Variants in ATG4A observed in about 807,000 individuals in gnomAD.
ATG4A encodes autophagy related 4A cysteine peptidase.
Under a neutral mutation model 38.4 loss-of-function variants are expected in ATG4A, and 22 were observed. The observed-to-expected ratio is 0.57, with a 90% confidence interval of 0.41 to 0.82. The LOEUF (loss-of-function observed/expected upper bound fraction) is 0.82. ATG4A is among the 40% of genes least tolerant of loss of function. The pLI is 0.00. For synonymous variants in ATG4A, 86 were observed against 100.7 expected (o/e 0.85, Z 0.88); for missense variants, 220 against 290.0 (o/e 0.76, Z 1.75).
upstream of ATG4A, among the ~76,000 whole-genome samples, chrX:108,089,562 G>A (rs994841811): frequency 8.0e-5 from 9 of 112,128 alleles, no homozygotes; most frequent in Admixed American, 1.9e-4. Flanking sequence ...GGCCGGGTGC[G>A]GTGGTTCACG....
intron 1 of ATG4A, among the ~76,000 whole-genome samples, chrX:108,095,132 G>A (rs1288338116): frequency 8.9e-6 from 1 of 112,069 alleles, no homozygotes; most frequent in Non-Finnish European, 1.9e-5. Flanking sequence ...TAGAGACAGG[G>A]TTTCGCCATA....
At chrX:108,088,917 G>C, upstream of ATG4A, 2 of 854,177 alleles carry the variant, frequency 2.3e-6, no homozygotes, top group Non-Finnish European at 3.3e-6. Flanking sequence ...AAAAATACTG[G>C]TGCTGGCAAA....
Position 108,150,249 on chromosome X carries a change from G to T in ATG4A, c.912G>T (p.Gln304His). The change falls in exon 10 of 13, where the codon CAG becomes CAT. Residue 304 changes from glutamine to histidine, a missense_variant. Physicochemically the swap from Gln to His is conservative, Grantham distance 24. This residue lies in a region of ATG4A where 159 missense variants were observed against 188.9 expected (regional missense o/e 0.84). Transcript: ENST00000372232. The part of the protein sequence containing the change: ...TVNDQTFHCL[Q>H]SPQRMNILNL... ...ATGACCAGACTTTCCATTGCCTGCA[G>T]TCCCCACAGCGAATGAACATCCTAA... is the stretch of plus-strand genomic sequence containing the variant. 8.2e-7 allele frequency: 1 copy of T among 1,212,189 alleles called. No individual in the cohort carries two copies. Among genetic ancestry groups the T allele is most frequent in the East Asian group, 3.0e-5 (1 of 33,869 alleles).
chrX:108,106,892 G>GTT (rs1411840718), intron 1 of ATG4A, among the ~76,000 whole-genome samples: 8 of 111,310 alleles, frequency 7.2e-5, no homozygotes. Context: ...ATCCTATTGG[G>GTT]TTTGCTCAGC....
At chrX:108,089,705 C>T (rs989141119), upstream of ATG4A, among the ~76,000 whole-genome samples, 6 of 110,022 alleles carry the variant, frequency 5.5e-5, no homozygotes, top group East Asian at 2.8e-4. Context: ...TGGTGGCAGG[C>T]GCCTGTAATC....
intron 1 of ATG4A, among the ~76,000 whole-genome samples, chrX:108,111,831 A>G (rs1166509772): frequency 9.0e-6 from 1 of 111,214 alleles, no homozygotes; most frequent in Non-Finnish European, 1.9e-5. Flanking sequence ...TATTTTTTAA[A>G]CATTCTTAAG....
At chrX:108,128,033 ATTTCCT>A (rs2032848224) in intron 2 of ATG4A, among the ~76,000 whole-genome samples, 1 of 112,546 alleles carries the variant, frequency 8.9e-6, no homozygotes, top group South Asian at 3.7e-4. Context: ...TTAGTAAGAC[ATTTCCT>A]TTTTATTTAA....
At chrX:108,120,492 A>G (rs2032620879) in intron 1 of ATG4A, among the ~76,000 whole-genome samples, 1 of 112,199 alleles carries the variant, frequency 8.9e-6, no homozygotes, top group African/African-American at 3.2e-5. Context: ...GCAGCAATTT[A>G]TCCCTAAGTG....
rs780927870 is a variant in ATG4A, at chrX:108,119,766, C to G, written c.11-6311C>G. Among the ~76,000 whole-genome samples, 3 of 111,810 alleles carry G rather than the reference C, an allele frequency of 2.7e-5. No homozygotes were observed. In the Admixed American group the frequency reaches 2.8e-4, roughly 11 times the overall value. On this transcript the variant is annotated intron_variant, in intron 1 of 12. Coordinates refer to ENST00000372232, the MANE Select transcript of ATG4A (RefSeq NM_052936.5). Reference sequence around the variant, plus strand: ...GGATGTAGGAATTTCCTCCTTTTCCCTTTCCTTTTCCTCCTTCTCCTCACC... The same window carrying G: ...GGATGTAGGAATTTCCTCCTTTTCCGTTTCCTTTTCCTCCTTCTCCTCACC...
intron 1 of ATG4A, among the ~76,000 whole-genome samples, chrX:108,115,736 C>G (rs2032489276): frequency 8.9e-6 from 1 of 111,844 alleles, no homozygotes; most frequent in Admixed American, 9.5e-5. Context: ...AACATAAGCA[C>G]TCATTTTTAT....
chrX:108,136,545 G>A (rs1036869669), intron 6 of ATG4A, among the ~76,000 whole-genome samples: 2 of 111,540 alleles, frequency 1.8e-5, no homozygotes, highest in East Asian at 5.7e-4. Flanking sequence ...GCACTCTCAG[G>A]GCAGCTGGGG....
chrX:108,136,035 A>G (rs2033098357), intron 6 of ATG4A, among the ~76,000 whole-genome samples: 1 of 110,501 alleles, frequency 9.0e-6, no homozygotes, highest in Non-Finnish European at 1.9e-5. Context: ...ACCCGTCTCA[A>G]CCTCCCAAAG....
At chrX:108,148,231 G>GGTCTAGAGGGCTGGAGTCTCCCAGCCCTA (rs2033485291) in intron 9 of ATG4A, among the ~76,000 whole-genome samples, 1 of 106,524 alleles carries the variant, frequency 9.4e-6, no homozygotes, top group Admixed American at 1.0e-4. Flanking sequence ...GAAAGACGTA[G>GGTCTAGAGGGCTGGAGTCTCCCAGCCCTA]GCTGGGAGGC....
At chrX:108,115,713 A>G (rs1429063341) in intron 1 of ATG4A, among the ~76,000 whole-genome samples, 3 of 112,043 alleles carry the variant, frequency 2.7e-5, no homozygotes, top group African/African-American at 9.7e-5. Context: ...ATCTTTGATC[A>G]TATCTCTTGG....
chrX:108,108,035 G>T (rs2032231469), intron 1 of ATG4A, among the ~76,000 whole-genome samples: 1 of 110,893 alleles, frequency 9.0e-6, no homozygotes, highest in South Asian at 3.8e-4. Flanking sequence ...GTGGAGGGAG[G>T]AGTATAGTTT....
intron 1 of ATG4A, among the ~76,000 whole-genome samples, chrX:108,092,859 C>A (rs2031675701): frequency 8.9e-6 from 1 of 111,790 alleles, no homozygotes; most frequent in Admixed American, 9.5e-5. Flanking sequence ...TAATGCTGAT[C>A]TGTTAGGAAA....
chrX:108,091,407 C>G (rs2031614235), upstream of ATG4A: 1 of 1,208,752 alleles, frequency 8.3e-7, no homozygotes, highest in Non-Finnish European at 1.1e-6. Context: ...GTTGCTTTAC[C>G]TGGTCAGTTC....
At chrX:108,122,056 G>T (rs2147990654) in intron 1 of ATG4A, among the ~76,000 whole-genome samples, 1 of 111,921 alleles carries the variant, frequency 8.9e-6, no homozygotes, top group Non-Finnish European at 1.9e-5. Context: ...CTGGCCCTGA[G>T]ATTCTATGGC....
chrX:108,105,673 A>T (rs887766436), intron 1 of ATG4A, among the ~76,000 whole-genome samples: 1 of 111,607 alleles, frequency 9.0e-6, no homozygotes, highest in Non-Finnish European at 1.9e-5. Flanking sequence ...GTTACCCACC[A>T]CTTTCCTTTG....
Sources: allele counts gnomAD v4.1 joint callset (sites outside exome capture counted in the v4.1 genomes callset), GRCh38; gene constraint gnomAD v4.1.1; regional missense constraint gnomAD v4.1.1; transcripts MANE v1.5; gene names NCBI Gene and HGNC (gene_info 2026-07-23, HGNC 2026-07-21).